The following USP40 variants were observed in gnomAD, a reference collection of about 807,000 sequenced individuals.
USP40 encodes the protein ubiquitin carboxyl-terminal hydrolase 40.
In USP40, 143 loss-of-function variants were observed where a neutral mutation model predicts 166.2. The observed-to-expected ratio is 0.86, with a 90% CI of 0.75 to 0.99. The LOEUF (loss-of-function observed/expected upper bound fraction) is 0.99. Among genes scored for constraint, USP40 ranks in the 50% least tolerant of loss-of-function variants. USP40 has a pLI of 0.00. For missense variants in USP40, 1,444 were observed against 1,479.7 expected (o/e 0.98, Z 0.40); for synonymous variants, 498 against 524.0 (o/e 0.95, Z 0.68).
rs925212500 is a variant in USP40, at chr2:233,476,835, A to G, written c.*557T>C. The G allele has an allele frequency of 1.4e-4, 25 of 173,854 alleles. No homozygotes were observed. The highest frequency in any genetic ancestry group is 6.0e-4 in the African/African-American group (25 of 41,650). 10.8% of individuals were successfully genotyped at this position (173,854 alleles called of 1,614,324 possible). On this transcript the variant is annotated 3_prime_UTR_variant, in exon 32 of 32. Coordinates refer to ENST00000678225, the MANE Select transcript of USP40 (RefSeq NM_001365479.2). ...CAGCATCGCAGTTTTAACTCAGACC[A>G]AAGGGCAGACGTGGAGCATGCGGGG...
At chr2:233,503,940 T>C (rs2066245318) in intron 21 of USP40, among the ~76,000 whole-genome samples, 1 of 151,942 alleles carries the variant, frequency 6.6e-6, no homozygotes, top group African/African-American at 2.4e-5. Flanking sequence ...AAAGTCAAAA[T>C]AGCCAAAAAC....
intron 16 of USP40, among the ~76,000 whole-genome samples, chr2:233,522,175 CA>C (rs1230703761): frequency 6.6e-6 from 1 of 152,110 alleles, no homozygotes; most frequent in East Asian, 1.9e-4. Context: ...TAATGGAAAG[CA>C]GGATACAACT....
In USP40 at chr2:233,493,701, CT is replaced by C; in HGVS notation, c.2791-151del. On this transcript the variant is annotated intron_variant, in intron 24 of 31. Transcript: ENST00000678225. This position sits in a 1 kb window ranked among gnomAD's most constrained non-coding sequence, Gnocchi z 4.7. ...GATTTATTAACTGTCATAAATTATA[CT>C]TGTTTTTACAATCAAAAATTTAAAA... 1 of 1,057,144 alleles carries C rather than the reference CT, an allele frequency of 9.5e-7. No homozygotes were observed. Among genetic ancestry groups the C allele is most frequent in the Non-Finnish European group, 1.3e-6 (1 of 767,530 alleles). The allele number at this position is 1,057,144 out of a possible 1,614,324, so 65.5% of individuals were successfully genotyped here. A position where few individuals can be genotyped will look rare whatever the true frequency, so the allele number is the denominator to read the frequency against.
Position 233,549,148 on chromosome 2 carries a change from G to C in USP40, c.919C>G (p.His307Asp). 6.2e-7 allele frequency: 1 copy of C among 1,600,972 alleles called. No homozygotes were observed. The highest frequency in any genetic ancestry group is 8.5e-7 in the Non-Finnish European group (1 of 1,172,546). Residue 307 changes from histidine (H) to aspartate (D), a missense_variant, in exon 8 of 32, where the codon CAT (histidine) becomes GAT (aspartate). His to Asp is a moderately conservative substitution (Grantham distance 81). Coordinates refer to ENST00000678225, the MANE Select transcript of USP40 (RefSeq NM_001365479.2). ...HKGGCYGGHY[H>D]VYIKDVDHLG... is the part of the protein sequence containing the mutation. ...TGATCAACATCTTTAATATATACATGGTAATGGCCTCCGTAGCAGCCACCT... is the reference window on the plus strand; with the variant it reads ...TGATCAACATCTTTAATATATACATCGTAATGGCCTCCGTAGCAGCCACCT...
intron 11 of USP40, among the ~76,000 whole-genome samples, chr2:233,532,814 A>T (rs1355159562): frequency 1.3e-5 from 2 of 152,008 alleles, no homozygotes; most frequent in East Asian, 3.9e-4. Flanking sequence ...GGCAGCATGT[A>T]CTTGTAGGCC....
At position 233,477,046 on chromosome 2, in the gene USP40, G is replaced by A. The variant is rs909537931; in HGVS notation, c.*346C>T. The A allele has an allele frequency of 7.6e-5, 27 of 353,502 alleles. 1 individual carries two copies. The highest frequency in any genetic ancestry group is 1.5e-4 in the African/African-American group (7 of 46,846). 21.9% of individuals were successfully genotyped at this position (353,502 alleles called of 1,614,324 possible). On this transcript the variant is annotated 3_prime_UTR_variant, in exon 32 of 32. Transcript: ENST00000678225. ...CACACACCTCCCACAGCGGAGCAAC[G>A]GCATGCCGCTGCCTCCATACCTGCG...
chr2:233,524,481 AT>A lies in USP40; in HGVS notation c.1881+10del, dbSNP rs756877809. 68 of 1,590,486 alleles carry A rather than the reference AT, an allele frequency of 4.3e-5. No homozygotes were observed. Among genetic ancestry groups the A allele is most frequent in the Admixed American group, 1.7e-4 (10 of 57,150 alleles). ...AATTATCACGAATATTTCTTCAGTA[AT>A]TTTTTTTACCTCCACCCCATTCCAC... On this transcript the variant is annotated intron_variant, in intron 15 of 31. Coordinates refer to ENST00000678225, the MANE Select transcript of USP40 (RefSeq NM_001365479.2).
chr2:233,544,931 C>T (rs73996119), intron 8 of USP40, among the ~76,000 whole-genome samples: 4,664 of 152,210 alleles, frequency 0.031, 218 homozygotes, highest in African/African-American at 0.11. Context: ...GCTCTAAAAC[C>T]ATCAATTTGA....
intron 20 of USP40, among the ~76,000 whole-genome samples, chr2:233,510,700 G>A (rs1293873164): frequency 4.6e-5 from 7 of 151,884 alleles, no homozygotes; most frequent in Non-Finnish European, 7.4e-5. Flanking sequence ...CACCGCGCCC[G>A]GCCAACATAC....
chr2:233,513,998 C>A (rs2067006676), intron 18 of USP40, among the ~76,000 whole-genome samples: 1 of 152,152 alleles, frequency 6.6e-6, no homozygotes. Flanking sequence ...GGCTAGCATA[C>A]AATTCTCACA....
intron 11 of USP40, among the ~76,000 whole-genome samples, chr2:233,530,001 T>C (rs1372498784): frequency 1.3e-5 from 2 of 151,466 alleles, no homozygotes; most frequent in African/African-American, 2.4e-5. Flanking sequence ...GGTTTCGCCA[T>C]GTTGCCCAGG....
chr2:233,485,923 A>G lies in USP40; in HGVS notation c.3252T>C (p.Tyr1084=), dbSNP rs2603547. ...TCCACACCAGGTCCAGGGCAGGGGC[A>G]TAGGTCCTCTCACCAGGGATGCGCA... ...TQVRIPGERT[Y]APALDLVWNA... The change falls in exon 29 of 32, where the codon TAT becomes TAC. Residue 1084 remains tyrosine, a synonymous_variant. Coordinates refer to ENST00000678225, the MANE Select transcript of USP40 (RefSeq NM_001365479.2). The G allele has an allele frequency of 0.22, 345,013 of 1,597,726 alleles. 40,246 individuals are homozygous for G. Among genetic ancestry groups the G allele is most frequent in the African/African-American group, 0.45 (33,510 of 74,428 alleles).
Position 233,493,252 on chromosome 2 carries a change from T to C in USP40, c.2917+173A>G. 1 of 842,096 alleles carries C rather than the reference T, an allele frequency of 1.2e-6. No homozygotes were observed. Among genetic ancestry groups the C allele is most frequent in the East Asian group, 2.7e-5 (1 of 37,578 alleles). 52.2% of individuals were successfully genotyped at this position (842,096 alleles called of 1,614,324 possible). A position where few individuals can be genotyped will look rare whatever the true frequency, so the allele number is the denominator to read the frequency against. On this transcript the variant is annotated intron_variant, in intron 25 of 31. Transcript: ENST00000678225. The surrounding 1 kb of genome is among the most constrained non-coding windows in gnomAD (Gnocchi z 4.7). Reference sequence around the variant, plus strand: ...AGAGGTTACAGAGCACGTACAGAAATGGCACAGTGTTATTATTATGTGATG... The same window carrying C: ...AGAGGTTACAGAGCACGTACAGAAACGGCACAGTGTTATTATTATGTGATG...
At chr2:233,521,504 T>C (rs1270629267) in intron 16 of USP40, among the ~76,000 whole-genome samples, 1 of 152,218 alleles carries the variant, frequency 6.6e-6, no homozygotes, top group Non-Finnish European at 1.5e-5. Context: ...AGACTGACAC[T>C]GCACAAAAGG....
At chr2:233,487,812 G>A (rs1484038801) in intron 28 of USP40, 1 of 380,646 alleles carries the variant, frequency 2.6e-6, no homozygotes. Context: ...CTAGTAGTGG[G>A]AGACAGATAC....
chr2:233,542,361 C>T lies in USP40; in HGVS notation c.969G>A (p.Glu323=), dbSNP rs748687678. 8.4e-6 allele frequency: 13 copies of T among 1,541,606 alleles called. No individual in the cohort carries two copies. In the East Asian group the frequency reaches 2.4e-4, roughly 29 times the overall value. ...VDHLGNWQFQ[E]EKSKPDVNLK... is the part of the protein sequence containing the mutation. ...GATTCACATCTGGTTTACTTTTTTC[C>T]TCCTAGGAAGGAAAACAGTATGAGT... Residue 323 remains glutamate (E), a splice_region_variant and synonymous_variant, in exon 9 of 32, where the codon GAG becomes GAA. Coordinates refer to ENST00000678225, the MANE Select transcript of USP40 (RefSeq NM_001365479.2).
At chr2:233,501,176 A>C (rs963218811) in intron 21 of USP40, among the ~76,000 whole-genome samples, 1 of 152,238 alleles carries the variant, frequency 6.6e-6, no homozygotes. Flanking sequence ...AAAAACAATC[A>C]AACAATTGAG....
intron 21 of USP40, among the ~76,000 whole-genome samples, chr2:233,501,084 CACAGTATACTAA>C (rs1451671301): frequency 6.6e-6 from 1 of 152,108 alleles, no homozygotes; most frequent in African/African-American, 2.4e-5. Context: ...ATGATAAAAA[CACAGTATACTAA>C]AATATGGTGG....
chr2:233,517,405 G>GTTTTTTTTT (rs2067291360), intron 18 of USP40, among the ~76,000 whole-genome samples: 9 of 130,142 alleles, frequency 6.9e-5, no homozygotes, highest in Admixed American at 1.6e-4. Context: ...TTTTTTTTGA[G>GTTTTTTTTT]ACGGAGTCTC....
Sources: gnomAD v4.1 joint callset for allele counts (sites outside exome capture counted in the v4.1 genomes callset) on GRCh38, gnomAD v4.1.1 for gene constraint, Gnocchi (gnomAD v3.1) non-coding constraint, MANE v1.5 for transcripts, NCBI Gene and HGNC (gene_info 2026-07-23, HGNC 2026-07-21) for gene names.